GPM6A: variants seen among roughly 807,000 people sequenced by gnomAD.
GPM6A encodes neuronal membrane glycoprotein M6-a.
In GPM6A, 7 loss-of-function variants were observed where a neutral mutation model predicts 32.1. That is an observed-to-expected ratio of 0.22 (90% CI 0.12 to 0.41). The LOEUF (loss-of-function observed/expected upper bound fraction) is 0.41, where lower values mean the gene tolerates loss of function less well. GPM6A is among the 10% of genes least tolerant of loss of function. The probability of loss-of-function intolerance (pLI) is 1.00; values close to 1 mark genes in which losing one functional copy is unlikely to be tolerated. For missense variants in GPM6A, 235 were observed against 347.2 expected (o/e 0.68, Z 2.57); for synonymous variants, 130 against 123.4 (o/e 1.05, Z -0.35).
chr4:175,757,563 T>C (rs1732576565), intron 1 of GPM6A, among the ~76,000 whole-genome samples: 1 of 152,208 alleles, frequency 6.6e-6, no homozygotes, highest in African/African-American at 2.4e-5. Context: ...GTTCCACTAG[T>C]GCTTTTAGCA....
At chr4:176,000,982 A>C (rs1579700949) in intron 1 of GPM6A, among the ~76,000 whole-genome samples, 1 of 152,212 alleles carries the variant, frequency 6.6e-6, no homozygotes, top group East Asian at 1.9e-4. Context: ...AGGCCCTAAA[A>C]ATGGGTCCTT....
intron 1 of GPM6A, among the ~76,000 whole-genome samples, chr4:175,935,014 T>C (rs180936887): frequency 6.6e-6 from 1 of 152,376 alleles, no homozygotes; most frequent in African/African-American, 2.4e-5. Flanking sequence ...AACTGTTTGT[T>C]ATTTAAGAAG....
chr4:175,989,612 C>T (rs542668031), intron 1 of GPM6A, among the ~76,000 whole-genome samples: 1 of 152,234 alleles, frequency 6.6e-6, no homozygotes, highest in Admixed American at 6.5e-5. Context: ...CTTAACTATA[C>T]ATTTTCTGAT....
intron 1 of GPM6A, chr4:175,962,464 T>C (rs1740197956): frequency 1.6e-6 from 1 of 641,556 alleles, no homozygotes; most frequent in South Asian, 1.5e-5. Flanking sequence ...CAACCTTTTT[T>C]GCTTCTCCAA....
At chr4:175,743,377 C>T (rs139622346) in intron 1 of GPM6A, among the ~76,000 whole-genome samples, 1 of 151,582 alleles carries the variant, frequency 6.6e-6, no homozygotes, top group Non-Finnish European at 1.5e-5. Context: ...TCTTGGGGAA[C>T]CACTAAGAAC....
intron 1 of GPM6A, among the ~76,000 whole-genome samples, chr4:175,771,444 C>T (rs188546338): frequency 2.6e-5 from 4 of 151,166 alleles, no homozygotes; most frequent in South Asian, 2.1e-4. Flanking sequence ...TGGTGGCACT[C>T]GCCTGTGTCC....
At position 175,694,830 on chromosome 4, in the gene GPM6A, C is replaced by A. The variant is rs1314797928; in HGVS notation, c.230+6745G>T. Among the ~76,000 whole-genome samples the A allele has an allele frequency of 5.9e-5, 9 of 152,276 alleles. No individual in the cohort carries two copies. In the South Asian group the frequency reaches 1.5e-3, roughly 25 times the overall value. ...TAGGCCTCAAAGGCATTTCAGAGAC[C>A]TTTGTGGCAGCCCCTCCCATCACAG... On this transcript the variant is annotated intron_variant, in intron 2 of 6. Coordinates refer to ENST00000393658, the MANE Select transcript of GPM6A (RefSeq NM_201591.3).
chr4:175,652,642 C>T (rs1055700457), intron 3 of GPM6A, among the ~76,000 whole-genome samples: 4 of 151,648 alleles, frequency 2.6e-5, no homozygotes, highest in Non-Finnish European at 4.4e-5. Context: ...ATTTCAGAAA[C>T]AATTTTTAAT....
At chr4:175,714,017 C>A (rs943529473) in intron 1 of GPM6A, among the ~76,000 whole-genome samples, 1 of 151,818 alleles carries the variant, frequency 6.6e-6, no homozygotes, top group Non-Finnish European at 1.5e-5. Flanking sequence ...TTAATAATAT[C>A]TTTTAATTTT....
chr4:175,875,485 G>T (rs2111446642), intron 1 of GPM6A, among the ~76,000 whole-genome samples: 1 of 152,254 alleles, frequency 6.6e-6, no homozygotes, highest in East Asian at 1.9e-4. Context: ...ATCACTAGTG[G>T]CACTGAGAAC....
intron 1 of GPM6A, among the ~76,000 whole-genome samples, chr4:175,900,004 G>A (rs1348606534): frequency 2.0e-5 from 3 of 152,022 alleles, no homozygotes; most frequent in Non-Finnish European, 4.4e-5. Flanking sequence ...ATATGGCCAG[G>A]CACAGTGACT....
intron 1 of GPM6A, among the ~76,000 whole-genome samples, chr4:175,929,514 T>C (rs1371069161): frequency 6.6e-6 from 1 of 152,226 alleles, no homozygotes; most frequent in Non-Finnish European, 1.5e-5. Context: ...TCTGCATTTG[T>C]AAAACTGTCC....
intron 1 of GPM6A, among the ~76,000 whole-genome samples, chr4:175,846,789 T>C (rs1377275382): frequency 1.3e-5 from 2 of 152,160 alleles, no homozygotes; most frequent in Non-Finnish European, 2.9e-5. Context: ...GTAGCAATTA[T>C]ATTAAGTACT....
chr4:175,679,984 A>G (rs1157274793), intron 2 of GPM6A, among the ~76,000 whole-genome samples: 1 of 152,206 alleles, frequency 6.6e-6, no homozygotes, highest in African/African-American at 2.4e-5. Context: ...GAGCAATGGT[A>G]TTCGGGACCA....
chr4:175,812,303 T>TTTTTTTG, upstream of GPM6A: 1 of 953,814 alleles, frequency 1.0e-6, no homozygotes, highest in Non-Finnish European at 1.3e-6. Flanking sequence ...AACTGGGGGT[T>TTTTTTTG]TTTTTTTTTT....
At chr4:175,938,069 T>A (rs1260748854) in intron 1 of GPM6A, among the ~76,000 whole-genome samples, 1 of 152,136 alleles carries the variant, frequency 6.6e-6, no homozygotes, top group African/African-American at 2.4e-5. Flanking sequence ...ACTCTCAATA[T>A]TTTTTAGATA....
At chr4:175,661,217 G>T (rs866500351) in intron 3 of GPM6A, among the ~76,000 whole-genome samples, 2 of 152,054 alleles carry the variant, frequency 1.3e-5, no homozygotes, top group South Asian at 2.1e-4. Context: ...TAACCAGTAT[G>T]CATTCCTTGA....
intron 1 of GPM6A, among the ~76,000 whole-genome samples, chr4:175,913,727 C>G (rs538173230): frequency 7.9e-5 from 12 of 152,128 alleles, no homozygotes; most frequent in Non-Finnish European, 1.0e-4. Flanking sequence ...CTCCTTCAAG[C>G]CTTTGCCAAA....
intron 1 of GPM6A, among the ~76,000 whole-genome samples, chr4:175,832,534 C>T (rs921383587): frequency 1.6e-4 from 24 of 151,906 alleles, no homozygotes; most frequent in Admixed American, 9.8e-4. Flanking sequence ...GTTATCTACC[C>T]ACAGGAGCTT....
Sources: gnomAD v4.1 joint callset for allele counts (sites outside exome capture counted in the v4.1 genomes callset) on GRCh38, gnomAD v4.1.1 for gene constraint, MANE v1.5 for transcripts, NCBI Gene and HGNC (gene_info 2026-07-23, HGNC 2026-07-21) for gene names.